SIPA1L1: variants seen among roughly 807,000 people sequenced by gnomAD.
SIPA1L1 encodes the protein signal induced proliferation associated 1 like 1.
SIPA1L1 carries 26 observed loss-of-function variants against 162.7 expected under a neutral mutation model. That is an observed-to-expected ratio of 0.16 (90% CI 0.12 to 0.22). SIPA1L1 has a LOEUF of 0.22. Among genes scored for constraint, SIPA1L1 ranks in the 10% least tolerant of loss-of-function variants. The pLI, the probability that SIPA1L1 is intolerant of heterozygous loss-of-function variation, is 1.00. For missense variants in SIPA1L1, 1,874 were observed against 2,241.0 expected (o/e 0.84, Z 3.31); for synonymous variants, 829 against 837.4 (o/e 0.99, Z 0.17).
At chr14:71,682,456 C>G (rs1050531230) in intron 12 of SIPA1L1, among the ~76,000 whole-genome samples, 1 of 152,160 alleles carries the variant, frequency 6.6e-6, no homozygotes, top group African/African-American at 2.4e-5. Context: ...TTACCCTGGC[C>G]ACAAAAGGCA....
At chr14:71,326,508 C>A (rs981390841) in intron 2 of SIPA1L1, among the ~76,000 whole-genome samples, 3 of 151,476 alleles carry the variant, frequency 2.0e-5, no homozygotes, top group Non-Finnish European at 1.5e-5. Context: ...CACACCTGGC[C>A]GACTTGCTTC....
At chr14:71,497,162 TC>T (rs1193841370) in intron 2 of SIPA1L1, among the ~76,000 whole-genome samples, 2 of 151,422 alleles carry the variant, frequency 1.3e-5, no homozygotes, top group Non-Finnish European at 2.9e-5. Flanking sequence ...AGAGCAAAAC[TC>T]CATCTCAAAA....
intron 2 of SIPA1L1, among the ~76,000 whole-genome samples, chr14:71,379,927 A>G (rs556415136): frequency 6.6e-6 from 1 of 152,180 alleles, no homozygotes; most frequent in Non-Finnish European, 1.5e-5. Flanking sequence ...GTAAATGATT[A>G]GCTATTTTTT....
At chr14:71,552,586 C>T (rs372727907) in intron 4 of SIPA1L1, among the ~76,000 whole-genome samples, 23 of 151,768 alleles carry the variant, frequency 1.5e-4, no homozygotes, top group Non-Finnish European at 2.9e-4. Context: ...TTAGTAGAGA[C>T]GGGGTTTCAC....
chr14:71,690,870 T>G (rs2081205057), intron 13 of SIPA1L1, among the ~76,000 whole-genome samples: 1 of 152,262 alleles, frequency 6.6e-6, no homozygotes, highest in African/African-American at 2.4e-5. Context: ...TTCATATTCC[T>G]GACTACCTAC....
rs182926533 is a variant in SIPA1L1 at position 71,437,609 on chromosome 14, G to C, written c.-464-75134G>C. ...ACTCCTAGCCTCAAGTGATCTGCCC[G>C]CCTGGACTTCCCAAAGTGCTGGGAT... On this transcript the variant is annotated intron_variant, in intron 2 of 23. Coordinates refer to ENST00000381232, the MANE Select transcript of SIPA1L1 (RefSeq NM_001386936.1). 1.1e-4 allele frequency among the ~76,000 whole-genome samples: 17 copies of C among 152,188 alleles called. 1 individual carries two copies. Among genetic ancestry groups the C allele is most frequent in the Admixed American group, 1.0e-3 (16 of 15,292 alleles).
intron 2 of SIPA1L1, among the ~76,000 whole-genome samples, chr14:71,428,694 A>G (rs1033572933): frequency 1.3e-5 from 2 of 152,206 alleles, no homozygotes; most frequent in African/African-American, 4.8e-5. Context: ...GGGAGGTTCA[A>G]CAACAGTGGC....
intron 16 of SIPA1L1, among the ~76,000 whole-genome samples, chr14:71,706,408 T>C (rs1050702251): frequency 6.6e-6 from 1 of 152,240 alleles, no homozygotes; most frequent in African/African-American, 2.4e-5. Flanking sequence ...TTAAAATTAA[T>C]TTCACATGTT....
At chr14:71,402,268 G>T (rs150853182) in intron 2 of SIPA1L1, among the ~76,000 whole-genome samples, 5 of 151,846 alleles carry the variant, frequency 3.3e-5, no homozygotes, top group Non-Finnish European at 5.9e-5. Context: ...TGATGGCATT[G>T]TATAAAAAAG....
chr14:71,623,035 G>T lies in SIPA1L1; in HGVS notation c.1630-1013G>T, dbSNP rs762918702. Among the ~76,000 whole-genome samples the T allele has an allele frequency of 1.2e-4, 18 of 152,042 alleles. 1 individual carries two copies. Among genetic ancestry groups the T allele is most frequent in the Non-Finnish European group, 2.2e-4 (15 of 68,018 alleles). ...TGTAGAAATTGTTCCTCTATTTCAT[G>T]GCCATTTCCTAAAACCCCTCCTTTC... On this transcript the variant is annotated intron_variant, in intron 6 of 23. Transcript: ENST00000381232.
chr14:71,544,369 T>C (rs185309936), intron 4 of SIPA1L1, among the ~76,000 whole-genome samples: 1 of 151,802 alleles, frequency 6.6e-6, no homozygotes, highest in Non-Finnish European at 1.5e-5. Flanking sequence ...TATGTGTATA[T>C]ATGATTTCTT....
At chr14:71,372,710 T>A (rs1344220156) in intron 2 of SIPA1L1, among the ~76,000 whole-genome samples, 1 of 152,144 alleles carries the variant, frequency 6.6e-6, no homozygotes, top group African/African-American at 2.4e-5. Context: ...TATGGTTGTT[T>A]GGCAAGTTAT....
chr14:71,345,138 A>G (rs1321863863), intron 2 of SIPA1L1, among the ~76,000 whole-genome samples: 2 of 151,946 alleles, frequency 1.3e-5, no homozygotes, highest in Admixed American at 1.3e-4. Context: ...CAATTTGGGT[A>G]TTTTCCTGGC....
intron 4 of SIPA1L1, among the ~76,000 whole-genome samples, chr14:71,534,798 A>G (rs1056922992): frequency 2.6e-5 from 4 of 152,218 alleles, no homozygotes; most frequent in East Asian, 1.9e-4. Context: ...GCCAATGTAC[A>G]TTCATCTGTT....
chr14:71,523,950 A>G (rs976004146), intron 3 of SIPA1L1, among the ~76,000 whole-genome samples: 6 of 152,108 alleles, frequency 3.9e-5, no homozygotes, highest in African/African-American at 9.7e-5. Flanking sequence ...TCCCTGTCTC[A>G]GTTTTGCAGC....
At chr14:71,653,007 G>T (rs144241258) in intron 8 of SIPA1L1, among the ~76,000 whole-genome samples, 1 of 152,040 alleles carries the variant, frequency 6.6e-6, no homozygotes, top group Non-Finnish European at 1.5e-5. Context: ...TTGATAAGAT[G>T]TTGGATATTG....
intron 3 of SIPA1L1, among the ~76,000 whole-genome samples, chr14:71,516,498 C>T (rs2051739749): frequency 6.6e-6 from 1 of 152,088 alleles, no homozygotes; most frequent in Non-Finnish European, 1.5e-5. Flanking sequence ...GTAATCCTCC[C>T]ACCTCAGCCT....
chr14:71,474,340 C>T (rs145390500), intron 2 of SIPA1L1, among the ~76,000 whole-genome samples: 8 of 152,306 alleles, frequency 5.3e-5, no homozygotes, highest in African/African-American at 7.2e-5. Flanking sequence ...TCCAAACTGA[C>T]GGTGATTCTG....
intron 7 of SIPA1L1, among the ~76,000 whole-genome samples, chr14:71,642,444 A>G (rs1430557008): frequency 1.3e-5 from 2 of 152,178 alleles, no homozygotes. Flanking sequence ...TTCATAATTG[A>G]CATGGCATTG....
Sources: allele counts gnomAD v4.1 joint callset (sites outside exome capture counted in the v4.1 genomes callset), GRCh38; gene constraint gnomAD v4.1.1; transcripts MANE v1.5; gene names NCBI Gene and HGNC (gene_info 2026-07-23, HGNC 2026-07-21).